The following MCC variants were observed in gnomAD, a reference collection of about 807,000 sequenced individuals.
MCC encodes the protein MCC regulator of Wnt signaling pathway, also known as colorectal mutant cancer protein.
MCC carries 90 observed loss-of-function variants against 116.2 expected under a neutral mutation model. That is an observed-to-expected ratio of 0.77 (90% CI 0.65 to 0.92). The LOEUF is 0.92. Among genes scored for constraint, MCC ranks in the 40% least tolerant of loss-of-function variants. MCC has a pLI of 0.00. For missense variants in MCC, 1,516 were observed against 1,312.2 expected (o/e 1.16, Z -2.40); for synonymous variants, 578 against 510.5 (o/e 1.13, Z -1.78).
At chr5:113,113,863 C>A (rs1392442550) in intron 6 of MCC, among the ~76,000 whole-genome samples, 2 of 151,886 alleles carry the variant, frequency 1.3e-5, no homozygotes, top group African/African-American at 2.4e-5. Context: ...AATGTGTGAG[C>A]CTTGACTGGA....
At chr5:113,197,141 G>A (rs888434752) in intron 3 of MCC, among the ~76,000 whole-genome samples, 56 of 152,180 alleles carry the variant, frequency 3.7e-4, no homozygotes, top group African/African-American at 1.3e-3. Flanking sequence ...TGGGGGGTCC[G>A]CTCCACTGTC....
chr5:113,407,369 G>T (rs255857), intron 1 of MCC, among the ~76,000 whole-genome samples: 13,619 of 152,222 alleles, frequency 0.089, 905 homozygotes, highest in Non-Finnish European at 0.12. Flanking sequence ...TTTATGCTCA[G>T]ATAGGGTGAA....
intron 7 of MCC, among the ~76,000 whole-genome samples, chr5:113,103,026 A>G (rs1756520603): frequency 1.3e-5 from 2 of 152,182 alleles, no homozygotes; most frequent in Non-Finnish European, 2.9e-5. Context: ...AGGCAGGAGA[A>G]TCGCTTGAAT....
At chr5:113,123,054 G>A (rs1361785391) in intron 5 of MCC, among the ~76,000 whole-genome samples, 1 of 152,132 alleles carries the variant, frequency 6.6e-6, no homozygotes, top group Non-Finnish European at 1.5e-5. Context: ...TGTACCAAAC[G>A]AGATTCATCT....
At chr5:113,225,152 TTACA>T (rs1402823088) in intron 3 of MCC, among the ~76,000 whole-genome samples, 1 of 152,256 alleles carries the variant, frequency 6.6e-6, no homozygotes, top group East Asian at 1.9e-4. Context: ...TTCCAGATTC[TTACA>T]TAGAGTCAAA....
chr5:113,364,913 G>A (rs1359243816), intron 2 of MCC, among the ~76,000 whole-genome samples: 1 of 152,208 alleles, frequency 6.6e-6, no homozygotes, highest in Non-Finnish European at 1.5e-5. Context: ...CCCACACAGG[G>A]TGGCAGGTCT....
intron 3 of MCC, among the ~76,000 whole-genome samples, chr5:113,275,657 T>C (rs1765793001): frequency 6.6e-6 from 1 of 152,020 alleles, no homozygotes; most frequent in Admixed American, 6.6e-5. Flanking sequence ...TCAGGAAAAA[T>C]AAGAATACAA....
Position 113,143,364 on chromosome 5 carries a change from G to C in MCC, c.742-4C>G. On this transcript the variant is annotated splice_polypyrimidine_tract_variant and splice_region_variant and intron_variant, in intron 4 of 18. Coordinates refer to ENST00000408903, the MANE Select transcript of MCC (RefSeq NM_001085377.2). ...TCATGAGGTGGGACTGCTCGCACTG[G>C]GAATAAGGGAAAAGGACAGAAGTGC... 1 of 1,613,436 alleles carries C rather than the reference G, an allele frequency of 6.2e-7. No individual in the cohort carries two copies. The highest frequency in any genetic ancestry group is 8.5e-7 in the Non-Finnish European group (1 of 1,179,842).
intron 11 of MCC, among the ~76,000 whole-genome samples, chr5:113,076,504 T>C (rs1754467090): frequency 6.6e-6 from 1 of 152,184 alleles, no homozygotes. Flanking sequence ...GGGGCCAATA[T>C]TAAATACTCT....
intron 5 of MCC, among the ~76,000 whole-genome samples, chr5:113,136,987 A>G (rs1375735358): frequency 3.9e-5 from 6 of 152,134 alleles, no homozygotes; most frequent in Non-Finnish European, 7.4e-5. Context: ...GATATTAGCC[A>G]TGGGTTTGTC....
intron 3 of MCC, among the ~76,000 whole-genome samples, chr5:113,152,068 A>G (rs536287736): frequency 6.6e-6 from 1 of 152,332 alleles, no homozygotes; most frequent in East Asian, 1.9e-4. Flanking sequence ...TTTCAGGAGC[A>G]GCACCAGAAC....
intron 5 of MCC, among the ~76,000 whole-genome samples, chr5:113,128,510 T>C (rs985446683): frequency 6.6e-6 from 1 of 152,226 alleles, no homozygotes; most frequent in Non-Finnish European, 1.5e-5. Context: ...ATGAATAAAG[T>C]CCTCGTTCTT....
chr5:113,488,211 G>T lies in MCC; in HGVS notation c.170+34C>A, dbSNP rs774620253. The T allele has an allele frequency of 1.2e-5, 19 of 1,578,202 alleles. 2 individuals carry two copies. The South Asian group carries it at 2.0e-4, about 17-fold the overall frequency. On this transcript the variant is annotated intron_variant, in intron 1 of 18. Coordinates refer to ENST00000408903, the MANE Select transcript of MCC (RefSeq NM_001085377.2). ...AAGGGCGCGCGGAGGGACTGATCTC[G>T]CTCCTGTCGGTTTCCTCGTACCTCC... is the stretch of plus-strand genomic sequence containing the variant.
chr5:113,070,222 G>T (rs897446719), intron 12 of MCC, among the ~76,000 whole-genome samples: 1 of 152,096 alleles, frequency 6.6e-6, no homozygotes, highest in Non-Finnish European at 1.5e-5. Context: ...AAACAATACC[G>T]AACTTTTTAG....
chr5:113,298,883 A>C (rs896154280), intron 3 of MCC, among the ~76,000 whole-genome samples: 2 of 152,208 alleles, frequency 1.3e-5, no homozygotes, highest in Non-Finnish European at 2.9e-5. Context: ...TGACTCAAGG[A>C]AAGTTAGACA....
intron 5 of MCC, among the ~76,000 whole-genome samples, chr5:113,132,058 C>A (rs539317591): frequency 1.1e-3 from 164 of 151,972 alleles, no homozygotes; most frequent in African/African-American, 3.7e-3. Flanking sequence ...TCCAAAGTAC[C>A]ATGATTTATA....
intron 2 of MCC, among the ~76,000 whole-genome samples, chr5:113,343,174 T>A (rs1768054207): frequency 1.3e-5 from 2 of 152,226 alleles, no homozygotes; most frequent in Non-Finnish European, 2.9e-5. Context: ...ATTTAATCAA[T>A]GTGAATAGGA....
chr5:113,340,794 T>A, intron 2 of MCC, 64 bp from the exon 3 acceptor site: 1 of 1,367,052 alleles, frequency 7.3e-7, no homozygotes, highest in Admixed American at 1.9e-5. Flanking sequence ...GGGTGGCCAA[T>A]AGGCAATGAT....
At position 113,079,709 on chromosome 5, in the gene MCC, A is replaced by G. The variant is rs534760395; in HGVS notation, c.1784+3151T>C. On this transcript the variant is annotated intron_variant, in intron 11 of 18. Transcript: ENST00000408903. ...AGACCTAAAACCGTAAAACCTCTAG[A>G]AGAAAACCTAGGCAATACCATTCAG... Among the ~76,000 whole-genome samples the G allele has an allele frequency of 6.6e-5, 10 of 152,352 alleles. No homozygotes were observed. The South Asian group carries it at 1.2e-3, about 19-fold the overall frequency.
Sources: gnomAD v4.1 joint callset for allele counts (sites outside exome capture counted in the v4.1 genomes callset) on GRCh38, gnomAD v4.1.1 for gene constraint, MANE v1.5 for transcripts, NCBI Gene and HGNC (gene_info 2026-07-23, HGNC 2026-07-21) for gene names.